TEC: variants seen among roughly 807,000 people sequenced by gnomAD.
The protein encoded by TEC is tec protein tyrosine kinase, also known as tyrosine-protein kinase Tec.
In TEC, 72 loss-of-function variants were observed where a neutral mutation model predicts 93.0. That is an observed-to-expected ratio of 0.77 (90% CI 0.64 to 0.94). TEC has a LOEUF of 0.94. Ranked by LOEUF, TEC falls within the 40% of genes least tolerant of loss-of-function variation. The pLI is 0.00. For synonymous variants in TEC, 249 were observed against 247.7 expected (o/e 1.01, Z -0.05); for missense variants, 630 against 757.9 (o/e 0.83, Z 1.98).
At position 48,176,065 on chromosome 4, in the gene TEC, A is replaced by T; in HGVS notation, c.243+17T>A. 6.2e-7 allele frequency: 1 copy of T among 1,602,410 alleles called. No homozygotes were observed. The highest frequency in any genetic ancestry group is 2.2e-5 in the East Asian group (1 of 44,830). On this transcript the variant is annotated intron_variant, in intron 3 of 17. Transcript: ENST00000381501. Reference sequence around the variant, plus strand: ...CTAAGCCCAGCACTGCACTGCCACAAAAATACACCAGCTCACCTGAAATGG... The same window carrying T: ...CTAAGCCCAGCACTGCACTGCCACATAAATACACCAGCTCACCTGAAATGG...
intron 2 of TEC, among the ~76,000 whole-genome samples, chr4:48,184,770 T>TACACACACACACACACACACACACAC (rs58704241): frequency 7.1e-6 from 1 of 140,942 alleles, no homozygotes; most frequent in African/African-American, 2.6e-5. Context: ...ACAAAAAAAA[T>TACACACACACACACACACACACACAC]ACACACACAC....
At chr4:48,226,790 T>C (rs1723481499) in intron 2 of TEC, among the ~76,000 whole-genome samples, 1 of 152,186 alleles carries the variant, frequency 6.6e-6, no homozygotes, top group Admixed American at 6.5e-5. Flanking sequence ...AAGAGTCAAC[T>C]ATATATTAAA....
At chr4:48,146,493 T>G in intron 11 of TEC, 94 bp from the exon 12 acceptor site, 1 of 1,124,102 alleles carries the variant, frequency 8.9e-7, no homozygotes, top group Admixed American at 1.8e-5. Context: ...ATTCATCATT[T>G]ATTCATTTAC....
intron 6 of TEC, among the ~76,000 whole-genome samples, chr4:48,168,197 T>A (rs140872923): frequency 0.011 from 1,680 of 152,296 alleles, 26 homozygotes; most frequent in African/African-American, 0.038. Flanking sequence ...GAGTCCAAAG[T>A]GCATGTTTCC....
chr4:48,138,057 T>C (rs1280283757), intron 17 of TEC, among the ~76,000 whole-genome samples: 1 of 152,196 alleles, frequency 6.6e-6, no homozygotes, highest in African/African-American at 2.4e-5. Flanking sequence ...TACTGTTCTG[T>C]AGCTAAGTGA....
At chr4:48,190,913 C>T (rs1432946684) in intron 2 of TEC, among the ~76,000 whole-genome samples, 1 of 152,154 alleles carries the variant, frequency 6.6e-6, no homozygotes, top group Non-Finnish European at 1.5e-5. Context: ...GAATAATATA[C>T]ACAGCAATTG....
At chr4:48,175,040 C>T (rs971613867) in intron 3 of TEC, among the ~76,000 whole-genome samples, 2 of 152,180 alleles carry the variant, frequency 1.3e-5, no homozygotes, top group South Asian at 4.1e-4. Flanking sequence ...GCAGTTTGGC[C>T]TCAGAGTCAC....
At position 48,222,280 on chromosome 4, in the gene TEC, G is replaced by C. The variant is rs1723291950; in HGVS notation, c.138+6197C>G. On this transcript the variant is annotated intron_variant, in intron 2 of 17. Transcript: ENST00000381501. ...CACAGCCAGAAGAGGAGGAAGAGGA[G>C]AAGAAGAAAAAATTGCATCAAGTAC... Among the ~76,000 whole-genome samples the C allele has an allele frequency of 2.0e-5, 3 of 152,230 alleles. No homozygotes were observed. The South Asian group carries it at 6.2e-4, about 32-fold the overall frequency.
intron 8 of TEC, among the ~76,000 whole-genome samples, chr4:48,157,111 C>T (rs1240024247): frequency 2.6e-5 from 4 of 152,196 alleles, no homozygotes; most frequent in African/African-American, 9.7e-5. Flanking sequence ...CACTGTTCAA[C>T]ATAAAAATCA....
At chr4:48,244,747 G>A (rs1409662181) in intron 1 of TEC, among the ~76,000 whole-genome samples, 1 of 152,166 alleles carries the variant, frequency 6.6e-6, no homozygotes, top group Non-Finnish European at 1.5e-5. Flanking sequence ...TCACACTTCT[G>A]TGGAGTTTTG....
chr4:48,195,483 A>G (rs1237579178), intron 2 of TEC, among the ~76,000 whole-genome samples: 2 of 152,224 alleles, frequency 1.3e-5, no homozygotes, highest in Non-Finnish European at 2.9e-5. Context: ...CAGAACAGGA[A>G]GCAAGCCTTA....
chr4:48,186,480 G>A (rs1721855040), intron 2 of TEC, among the ~76,000 whole-genome samples: 1 of 151,652 alleles, frequency 6.6e-6, no homozygotes, highest in Non-Finnish European at 1.5e-5. Flanking sequence ...CCCCGTCTGG[G>A]ATGTGAGGAG....
chr4:48,238,748 C>A (rs889588400), intron 1 of TEC, among the ~76,000 whole-genome samples: 1 of 149,924 alleles, frequency 6.7e-6, no homozygotes, highest in South Asian at 2.1e-4. Flanking sequence ...GCCTTCTTTG[C>A]AGTAAAGTGT....
At chr4:48,162,348 T>G (rs1259314552) in intron 8 of TEC, among the ~76,000 whole-genome samples, 1 of 152,164 alleles carries the variant, frequency 6.6e-6, no homozygotes, top group African/African-American at 2.4e-5. Flanking sequence ...TAAGGTACAT[T>G]TGAAACACTC....
intron 1 of TEC, among the ~76,000 whole-genome samples, chr4:48,261,861 C>T (rs891234628): frequency 6.6e-6 from 1 of 152,086 alleles, no homozygotes; most frequent in Non-Finnish European, 1.5e-5. Context: ...AGTGTTCCTC[C>T]TTTAGAAACA....
intron 2 of TEC, among the ~76,000 whole-genome samples, chr4:48,228,160 T>C (rs1178987454): frequency 1.3e-5 from 2 of 152,222 alleles, no homozygotes; most frequent in Non-Finnish European, 2.9e-5. Context: ...ACAATTTATA[T>C]TTGCTAAAGA....
intron 1 of TEC, among the ~76,000 whole-genome samples, chr4:48,251,420 C>A (rs1346787527): frequency 6.6e-6 from 1 of 152,158 alleles, no homozygotes; most frequent in Non-Finnish European, 1.5e-5. Context: ...CTTTGACTAC[C>A]CAGTCTAAAG....
intron 1 of TEC, among the ~76,000 whole-genome samples, chr4:48,235,149 C>A (rs1402127475): frequency 3.3e-5 from 5 of 151,958 alleles, no homozygotes; most frequent in African/African-American, 7.3e-5. Context: ...ACAGAGGGGA[C>A]TTCCTTATTA....
intron 2 of TEC, among the ~76,000 whole-genome samples, chr4:48,184,808 T>C (rs185720992): frequency 0.052 from 5,420 of 103,490 alleles, 323 homozygotes; most frequent in African/African-American, 0.17. Flanking sequence ...CACACACACA[T>C]TAAATATTAT....
Sources: allele counts gnomAD v4.1 joint callset (sites outside exome capture counted in the v4.1 genomes callset), GRCh38; gene constraint gnomAD v4.1.1; transcripts MANE v1.5; gene names NCBI Gene and HGNC (gene_info 2026-07-23, HGNC 2026-07-21).